Variants in THUMPD3 observed in about 807,000 individuals in gnomAD.
The protein encoded by THUMPD3 is tRNA (guanine(6)-N(2))-methyltransferase THUMP3.
Under a neutral mutation model 54.5 loss-of-function variants are expected in THUMPD3, and 44 were observed. The observed-to-expected ratio is 0.81, with a 90% CI of 0.63 to 1.04. The LOEUF is 1.04. Among genes scored for constraint, THUMPD3 ranks in the 50% least tolerant of loss-of-function variants. The probability of loss-of-function intolerance (pLI) is 0.00; values close to 1 mark genes in which losing one functional copy is unlikely to be tolerated. For missense variants in THUMPD3, 604 were observed against 601.3 expected (o/e 1.00, Z -0.05); for synonymous variants, 196 against 201.4 (o/e 0.97, Z 0.23).
chr3:9,384,435 C>G, intron 9 of THUMPD3, 89 bp from the exon 10 acceptor site: 1 of 1,600,594 alleles, frequency 6.2e-7, no homozygotes, highest in Non-Finnish European at 8.5e-7. Flanking sequence ...TTCTCTTCCC[C>G]TGAGGTTTCC....
rs189211399 is a variant in THUMPD3, at chr3:9,375,552, A to C, written c.938+906A>C. Among the ~76,000 whole-genome samples, 467 of 152,346 alleles carry C rather than the reference A, an allele frequency of 3.1e-3. 2 individuals are homozygous for C. The highest frequency in any genetic ancestry group is 0.011 in the Admixed American group (162 of 15,304). ...GATTTGATGTGAGACTTAAAGGATT[A>C]TTAGTGAGGATTAAATGCTGAAGCA... On this transcript the variant is annotated intron_variant, in intron 5 of 9. Coordinates refer to ENST00000452837, the MANE Select transcript of THUMPD3 (RefSeq NM_001114092.2).
At chr3:9,382,123 T>C (rs2032969661) in intron 7 of THUMPD3, among the ~76,000 whole-genome samples, 1 of 152,176 alleles carries the variant, frequency 6.6e-6, no homozygotes, top group Admixed American at 6.5e-5. Context: ...TGGTTTTTAA[T>C]ATTTTTTGCC....
At chr3:9,379,473 C>T (rs772621978) in intron 6 of THUMPD3, among the ~76,000 whole-genome samples, 3 of 152,190 alleles carry the variant, frequency 2.0e-5, no homozygotes, top group African/African-American at 7.2e-5. Flanking sequence ...CTACTCACCC[C>T]TAAGCAGAGG....
At chr3:9,381,634 G>C (rs2032904157) in intron 7 of THUMPD3, among the ~76,000 whole-genome samples, 1 of 140,554 alleles carries the variant, frequency 7.1e-6, no homozygotes, top group African/African-American at 2.7e-5. Context: ...TTTTTAATGA[G>C]CCTAGTATAT....
intron 3 of THUMPD3, 38 bp from the exon 4 acceptor site, chr3:9,371,022 G>A: frequency 6.9e-7 from 1 of 1,448,972 alleles, no homozygotes; most frequent in African/African-American, 1.4e-5. Flanking sequence ...GATTATAGTG[G>A]TGAGAAATGA....
At chr3:9,383,544 C>T (rs1204556262) in intron 8 of THUMPD3, among the ~76,000 whole-genome samples, 1 of 152,064 alleles carries the variant, frequency 6.6e-6, no homozygotes, top group East Asian at 1.9e-4. Context: ...AATTCACTTT[C>T]TAGCCCATTC....
At chr3:9,373,823 C>T (rs2032245399) in intron 4 of THUMPD3, among the ~76,000 whole-genome samples, 1 of 152,158 alleles carries the variant, frequency 6.6e-6, no homozygotes, top group Non-Finnish European at 1.5e-5. Flanking sequence ...AGGCTGTCCT[C>T]CCACCTCAGC....
intron 1 of THUMPD3, among the ~76,000 whole-genome samples, chr3:9,364,193 G>C (rs565897964): frequency 1.7e-3 from 258 of 151,910 alleles, no homozygotes; most frequent in African/African-American, 5.9e-3. Flanking sequence ...CTAGGAAAGA[G>C]GTATTACTAA....
At chr3:9,373,361 T>C (rs1575066129) in intron 4 of THUMPD3, among the ~76,000 whole-genome samples, 3 of 152,114 alleles carry the variant, frequency 2.0e-5, no homozygotes, top group Admixed American at 1.3e-4. Context: ...CTGAGTATGA[T>C]GACAGACACC....
chr3:9,382,411 TCTTAA>T (rs1050193187), intron 7 of THUMPD3, among the ~76,000 whole-genome samples: 7 of 152,312 alleles, frequency 4.6e-5, no homozygotes, highest in East Asian at 1.9e-4. Flanking sequence ...ATATTTTTTA[TCTTAA>T]CTTTTTTCTT....
intron 6 of THUMPD3, among the ~76,000 whole-genome samples, chr3:9,379,785 C>G (rs998085159): frequency 3.9e-5 from 6 of 152,126 alleles, no homozygotes; most frequent in African/African-American, 1.4e-4. Context: ...CTCTGCCTCC[C>G]TGTCTTAAGC....
chr3:9,377,699 T>G (rs2032570528), intron 5 of THUMPD3, 120 bp from the exon 6 acceptor site: 1 of 712,422 alleles, frequency 1.4e-6, no homozygotes, highest in East Asian at 2.6e-5. Context: ...AAAATATGTG[T>G]AGATTGGTGT....
intron 4 of THUMPD3, among the ~76,000 whole-genome samples, chr3:9,373,052 G>T (rs2032185583): frequency 6.6e-6 from 1 of 152,136 alleles, no homozygotes; most frequent in South Asian, 2.1e-4. Flanking sequence ...TTTGAGACCA[G>T]CCTGGGCAAA....
chr3:9,378,508 G>GA (rs529344568), intron 6 of THUMPD3, among the ~76,000 whole-genome samples: 318 of 152,296 alleles, frequency 2.1e-3, no homozygotes, highest in South Asian at 8.3e-3. Context: ...AAAGAATTTA[G>GA]AAGAGGGAGC....
chr3:9,369,561 T>A lies in THUMPD3; in HGVS notation c.331-1499T>A, dbSNP rs1254723722. Among the ~76,000 whole-genome samples, 3 of 152,146 alleles carry A rather than the reference T, an allele frequency of 2.0e-5. No individual in the cohort carries two copies. The East Asian group carries it at 5.8e-4, about 29-fold the overall frequency. On this transcript the variant is annotated intron_variant, in intron 3 of 9. Transcript: ENST00000452837. ...CTTCAAAAAAATTTTAGGTTTTGGATTTTGGACTTTGAGATTAGGAATGTT... is the reference window on the plus strand; with the variant it reads ...CTTCAAAAAAATTTTAGGTTTTGGAATTTGGACTTTGAGATTAGGAATGTT...
intron 9 of THUMPD3, 68 bp downstream of exon 9, chr3:9,384,403 G>A (rs1461280536): frequency 6.3e-7 from 1 of 1,597,032 alleles, no homozygotes; most frequent in East Asian, 2.2e-5. Flanking sequence ...ATTTGGGGAT[G>A]TTTGTTTGGA....
intron 6 of THUMPD3, among the ~76,000 whole-genome samples, chr3:9,379,327 T>G (rs533844259): frequency 5.0e-4 from 76 of 152,188 alleles, no homozygotes; most frequent in Non-Finnish European, 9.8e-4. Context: ...ACTTCCCTTT[T>G]GTTTGATGTC....
chr3:9,384,740 G>A lies in THUMPD3; in HGVS notation c.*52G>A, dbSNP rs779412206. The stretch of plus-strand genomic sequence containing the variant: ...CACCACTGGAAATGTTAGCATAAAA[G>A]AACTTGGAGAGGAAAAAAGTATTAA... On this transcript the variant is annotated 3_prime_UTR_variant, in exon 10 of 10. Coordinates refer to ENST00000452837, the MANE Select transcript of THUMPD3 (RefSeq NM_001114092.2). The A allele has an allele frequency of 1.2e-6, 2 of 1,601,904 alleles. No homozygotes were observed. Among genetic ancestry groups the A allele is most frequent in the Admixed American group, 1.7e-5 (1 of 59,154 alleles).
chr3:9,384,029 A>C (rs1273098441), intron 8 of THUMPD3, among the ~76,000 whole-genome samples, 183 bp from the exon 9 acceptor site: 2 of 152,218 alleles, frequency 1.3e-5, no homozygotes, highest in African/African-American at 4.8e-5. Context: ...AATTTTTTTG[A>C]TTCAGAATTC....
Sources: allele counts gnomAD v4.1 joint callset (sites outside exome capture counted in the v4.1 genomes callset), GRCh38; gene constraint gnomAD v4.1.1; transcripts MANE v1.5; gene names NCBI Gene and HGNC (gene_info 2026-07-23, HGNC 2026-07-21).